Variants in CCDC102B observed in about 807,000 individuals in gnomAD.
CCDC102B encodes coiled-coil domain-containing protein 102B.
A neutral mutation model predicts 57.4 loss-of-function variants in CCDC102B; 75 were observed. The ratio of observed to expected loss-of-function variants is 1.31; its 90% CI spans 1.08 to 1.58. The LOEUF (loss-of-function observed/expected upper bound fraction) is 1.58. Ranked by LOEUF, CCDC102B falls within the 40% of genes most tolerant of loss-of-function variation. CCDC102B has a pLI of 0.00. For missense variants in CCDC102B, 636 were observed against 582.6 expected (o/e 1.09, Z -0.94); for synonymous variants, 206 against 201.9 (o/e 1.02, Z -0.17).
intron 6 of CCDC102B, chr18:68,992,778 C>A: frequency 6.3e-6 from 1 of 159,432 alleles, no homozygotes; most frequent in South Asian, 1.6e-4. Flanking sequence ...GAATATGTGT[C>A]AACCCAGGAG....
intron 6 of CCDC102B, among the ~76,000 whole-genome samples, chr18:68,923,472 G>A (rs1377581469): frequency 6.6e-6 from 1 of 151,780 alleles, no homozygotes. Flanking sequence ...TAAAATAACT[G>A]CCACGAATTG....
At chr18:68,738,928 T>C (rs1469069515) in intron 2 of CCDC102B, among the ~76,000 whole-genome samples, 1 of 151,654 alleles carries the variant, frequency 6.6e-6, no homozygotes, top group East Asian at 1.9e-4. Flanking sequence ...ATATCTGTTT[T>C]CACACAAAGT....
At chr18:69,040,552 C>T (rs867929612) in intron 7 of CCDC102B, among the ~76,000 whole-genome samples, 1 of 151,742 alleles carries the variant, frequency 6.6e-6, no homozygotes, top group African/African-American at 2.4e-5. Context: ...TGAGATTTTT[C>T]ATTAACTATC....
intron 6 of CCDC102B, among the ~76,000 whole-genome samples, chr18:68,907,181 C>T (rs2040680668): frequency 1.3e-5 from 2 of 152,068 alleles, no homozygotes; most frequent in African/African-American, 4.8e-5. Context: ...GAATGTTTAT[C>T]TTTATGCCAG....
At chr18:68,796,577 A>C (rs927913913), upstream of CCDC102B, among the ~76,000 whole-genome samples, 2 of 152,112 alleles carry the variant, frequency 1.3e-5, no homozygotes, top group African/African-American at 4.8e-5. Flanking sequence ...TTATCCAGAG[A>C]GAGAATATAC....
chr18:68,993,786 A>G (rs951661736), intron 6 of CCDC102B, among the ~76,000 whole-genome samples: 3 of 152,190 alleles, frequency 2.0e-5, no homozygotes, highest in African/African-American at 4.8e-5. Context: ...TAAAGAATGT[A>G]GTAAATTTCT....
At chr18:68,940,062 T>G (rs1308954104) in intron 6 of CCDC102B, among the ~76,000 whole-genome samples, 3 of 151,786 alleles carry the variant, frequency 2.0e-5, no homozygotes, top group Admixed American at 1.3e-4. Flanking sequence ...GTATTCCATT[T>G]TTTTTAGATA....
At chr18:69,010,768 T>C (rs1599844237) in intron 6 of CCDC102B, among the ~76,000 whole-genome samples, 166 bp from the exon 7 acceptor site, 1 of 152,332 alleles carries the variant, frequency 6.6e-6, no homozygotes, top group South Asian at 2.1e-4. Context: ...TATAGTCATA[T>C]ACTAATTATA....
At chr18:68,955,637 T>G (rs75780694) in intron 6 of CCDC102B, among the ~76,000 whole-genome samples, 1 of 152,048 alleles carries the variant, frequency 6.6e-6, no homozygotes, top group Non-Finnish European at 1.5e-5. Context: ...TTTGTTTTTT[T>G]GCTTTAATTA....
At chr18:68,820,022 G>GTT (rs1366761281) in intron 1 of CCDC102B, among the ~76,000 whole-genome samples, 1 of 152,012 alleles carries the variant, frequency 6.6e-6, no homozygotes, top group Non-Finnish European at 1.5e-5. Flanking sequence ...CAAAATGAGA[G>GTT]TTTTATTTAT....
At chr18:68,911,059 G>C (rs189831905) in intron 6 of CCDC102B, among the ~76,000 whole-genome samples, 1 of 152,230 alleles carries the variant, frequency 6.6e-6, no homozygotes. Flanking sequence ...CAGAACCGCC[G>C]TTCAACCAGG....
intron 2 of CCDC102B, among the ~76,000 whole-genome samples, chr18:68,728,110 T>TCTA (rs1420489625): frequency 4.6e-5 from 7 of 152,116 alleles, no homozygotes; most frequent in African/African-American, 1.7e-4. Context: ...ATGAAATGAG[T>TCTA]GGACATTCTG....
At chr18:68,918,607 A>G (rs2041161627) in intron 6 of CCDC102B, among the ~76,000 whole-genome samples, 1 of 152,224 alleles carries the variant, frequency 6.6e-6, no homozygotes, top group South Asian at 2.1e-4. Flanking sequence ...TATTACTTGG[A>G]ATTAAATCAG....
chr18:68,749,364 G>C (rs2033753753), intron 2 of CCDC102B, among the ~76,000 whole-genome samples: 1 of 151,928 alleles, frequency 6.6e-6, no homozygotes, highest in Non-Finnish European at 1.5e-5. Flanking sequence ...AATTACCTTG[G>C]GCAGTATGGC....
intron 2 of CCDC102B, among the ~76,000 whole-genome samples, chr18:68,778,716 A>T (rs966246498): frequency 1.3e-4 from 20 of 152,074 alleles, no homozygotes; most frequent in Non-Finnish European, 2.5e-4. Context: ...CCAAATGCTT[A>T]TCAAGCTAAT....
At chr18:69,038,144 A>G (rs2052343896) in intron 7 of CCDC102B, among the ~76,000 whole-genome samples, 1 of 151,926 alleles carries the variant, frequency 6.6e-6, no homozygotes, top group African/African-American at 2.4e-5. Flanking sequence ...TTTGCAAGAA[A>G]TGTCATAAAT....
chr18:68,983,595 C>T (rs559256214), intron 6 of CCDC102B, among the ~76,000 whole-genome samples: 1 of 151,900 alleles, frequency 6.6e-6, no homozygotes, highest in African/African-American at 2.4e-5. Flanking sequence ...CCCCTATGTT[C>T]ATTCATGGCT....
chr18:68,929,727 C>T (rs556096263), intron 6 of CCDC102B, among the ~76,000 whole-genome samples: 1 of 151,888 alleles, frequency 6.6e-6, no homozygotes, highest in East Asian at 1.9e-4. Flanking sequence ...GTAACATTTT[C>T]TTGGGTCTTA....
chr18:68,797,861 CTT>C (rs201377295), upstream of CCDC102B, among the ~76,000 whole-genome samples: 1,805 of 149,338 alleles, frequency 0.012, 29 homozygotes, highest in African/African-American at 0.041. Context: ...GCGTGGGTGT[CTT>C]TTTCTTTTTC....
Sources: gnomAD v4.1 joint callset for allele counts (sites outside exome capture counted in the v4.1 genomes callset) on GRCh38, gnomAD v4.1.1 for gene constraint, MANE v1.5 for transcripts, NCBI Gene and HGNC (gene_info 2026-07-23, HGNC 2026-07-21) for gene names.